LY86: variants seen among roughly 807,000 people sequenced by gnomAD.
LY86 encodes MD-1, RP105-associated.
Under a neutral mutation model 17.3 loss-of-function variants are expected in LY86, and 20 were observed. The observed-to-expected ratio is 1.15, with a 90% CI of 0.81 to 1.68. The LOEUF (loss-of-function observed/expected upper bound fraction) is 1.68. Ranked by LOEUF, LY86 falls within the 40% of genes most tolerant of loss-of-function variation. The pLI, the probability that LY86 is intolerant of heterozygous loss-of-function variation, is 0.00. For missense variants in LY86, 200 were observed against 191.9 expected (o/e 1.04, Z -0.25); for synonymous variants, 74 against 70.6 (o/e 1.05, Z -0.24).
intron 1 of LY86, among the ~76,000 whole-genome samples, chr6:6,600,328 G>A (rs979255661): frequency 3.3e-5 from 5 of 152,044 alleles, no homozygotes; most frequent in African/African-American, 7.2e-5. Context: ...GGTGGCTCAT[G>A]CCTGTAATCC....
chr6:6,598,293 ATTTT>A (rs554257142), intron 1 of LY86, among the ~76,000 whole-genome samples: 6 of 151,858 alleles, frequency 4.0e-5, no homozygotes, highest in African/African-American at 1.2e-4. Context: ...TATTCAACTC[ATTTT>A]TTTTCTTAAC....
intron 1 of LY86, among the ~76,000 whole-genome samples, chr6:6,605,537 A>G (rs1424479428): frequency 2.0e-5 from 3 of 152,240 alleles, no homozygotes; most frequent in Admixed American, 6.5e-5. Context: ...ACGCTACCCC[A>G]TAACATGGCA....
intron 1 of LY86, among the ~76,000 whole-genome samples, chr6:6,611,703 C>A (rs574035631): frequency 6.6e-6 from 1 of 152,200 alleles, no homozygotes; most frequent in African/African-American, 2.4e-5. Flanking sequence ...TGTTTGTCCC[C>A]CCTTTCTCCT....
At chr6:6,601,106 C>G (rs10485085) in intron 1 of LY86, among the ~76,000 whole-genome samples, 11,674 of 152,196 alleles carry the variant, frequency 0.077, 1,186 homozygotes, top group African/African-American at 0.24. Flanking sequence ...TATCAGGTAT[C>G]CTAACAAAAA....
At chr6:6,643,669 C>T (rs1351069751) in intron 3 of LY86, among the ~76,000 whole-genome samples, 4 of 152,074 alleles carry the variant, frequency 2.6e-5, no homozygotes, top group Non-Finnish European at 5.9e-5. Context: ...CACAAACACA[C>T]ATGCACGCAC....
chr6:6,597,560 CTG>C (rs1410789865), intron 1 of LY86, among the ~76,000 whole-genome samples: 1 of 152,222 alleles, frequency 6.6e-6, no homozygotes, highest in South Asian at 2.1e-4. Context: ...TTAGCTTTGA[CTG>C]GGGTTCTAGA....
At chr6:6,598,025 CT>C (rs922925387) in intron 1 of LY86, among the ~76,000 whole-genome samples, 3 of 152,330 alleles carry the variant, frequency 2.0e-5, no homozygotes, top group African/African-American at 7.2e-5. Flanking sequence ...TGAGATCTTT[CT>C]TATTCAAAGG....
rs532894901 is a variant in LY86, at chr6:6,605,774, G to A, written c.136+16904G>A. On this transcript the variant is annotated intron_variant, in intron 1 of 4. Coordinates refer to ENST00000230568, the MANE Select transcript of LY86 (RefSeq NM_004271.4). Reference sequence around the variant, plus strand: ...TCCAGAACTTATTCTTTCTGATGCTGGGATGTGTTCAGTTTCTTCCTTTTG... The same window carrying A: ...TCCAGAACTTATTCTTTCTGATGCTAGGATGTGTTCAGTTTCTTCCTTTTG... 6.1e-4 allele frequency among the ~76,000 whole-genome samples: 93 copies of A among 152,308 alleles called. 1 individual carries two copies. Among genetic ancestry groups the A allele is most frequent in the African/African-American group, 2.1e-3 (88 of 41,558 alleles).
chr6:6,633,833 T>C (rs186264024), intron 3 of LY86, among the ~76,000 whole-genome samples: 1 of 152,306 alleles, frequency 6.6e-6, no homozygotes, highest in African/African-American at 2.4e-5. Flanking sequence ...CAGATATCAA[T>C]TGTACACAAC....
intron 1 of LY86, among the ~76,000 whole-genome samples, chr6:6,594,326 T>G (rs1760631975): frequency 6.6e-6 from 1 of 152,244 alleles, no homozygotes; most frequent in African/African-American, 2.4e-5. Flanking sequence ...TTTTTAATGT[T>G]AAAGAATTCA....
intron 1 of LY86, among the ~76,000 whole-genome samples, chr6:6,600,680 G>A (rs1356455219): frequency 6.6e-6 from 1 of 150,520 alleles, no homozygotes; most frequent in African/African-American, 2.5e-5. Context: ...TTGAGGCCAG[G>A]GCCTGCTTCT....
At chr6:6,601,159 GA>G (rs1267992750) in intron 1 of LY86, among the ~76,000 whole-genome samples, 1 of 151,890 alleles carries the variant, frequency 6.6e-6, no homozygotes, top group East Asian at 1.9e-4. Flanking sequence ...CAATGAACAG[GA>G]GACTCTTACG....
At chr6:6,600,026 C>A (rs1382922409) in intron 1 of LY86, among the ~76,000 whole-genome samples, 2 of 152,160 alleles carry the variant, frequency 1.3e-5, no homozygotes, top group Non-Finnish European at 2.9e-5. Flanking sequence ...AGGGCAATTT[C>A]CCCACGTCCT....
At chr6:6,605,883 G>A (rs536656160) in intron 1 of LY86, among the ~76,000 whole-genome samples, 16 of 148,602 alleles carry the variant, frequency 1.1e-4, no homozygotes, top group African/African-American at 2.6e-4. Context: ...CGTTTCTCGC[G>A]GTGGGTTCTT....
chr6:6,600,589 A>T (rs1259031258), intron 1 of LY86, among the ~76,000 whole-genome samples: 1 of 2,508 alleles, frequency 4.0e-4, no homozygotes. Context: ...GACTCCATCA[A>T]AAAAAAAAAA....
chr6:6,607,004 C>G (rs539564125), intron 1 of LY86, among the ~76,000 whole-genome samples: 1 of 152,374 alleles, frequency 6.6e-6, no homozygotes, highest in African/African-American at 2.4e-5. Context: ...CGCTTAGAAG[C>G]AAGTCACTGG....
intron 3 of LY86, among the ~76,000 whole-genome samples, chr6:6,628,250 CCCTCCCTCCCTCCCCTT>C (rs1761833989): frequency 8.0e-6 from 1 of 124,588 alleles, no homozygotes; most frequent in African/African-American, 3.0e-5. Flanking sequence ...CTCCTTCCCT[CCCTCCCTCCCTCCCCTT>C]CCTCCTTCCC....
chr6:6,602,411 G>A (rs990052141), intron 1 of LY86, among the ~76,000 whole-genome samples: 1 of 152,118 alleles, frequency 6.6e-6, no homozygotes. Flanking sequence ...CAAGAAACCT[G>A]GTGTAAATTA....
intron 1 of LY86, among the ~76,000 whole-genome samples, chr6:6,601,436 C>T (rs1200290466): frequency 6.6e-6 from 1 of 152,164 alleles, no homozygotes; most frequent in East Asian, 1.9e-4. Flanking sequence ...GCAATATACA[C>T]TAGAGGCCGG....
Sources: gnomAD v4.1 joint callset for allele counts (sites outside exome capture counted in the v4.1 genomes callset) on GRCh38, gnomAD v4.1.1 for gene constraint, MANE v1.5 for transcripts, NCBI Gene and HGNC (gene_info 2026-07-23, HGNC 2026-07-21) for gene names.